SPAG16: variants seen among roughly 807,000 people sequenced by gnomAD.
SPAG16 encodes sperm-associated antigen 16 protein.
SPAG16 carries 86 observed loss-of-function variants against 80.4 expected under a neutral mutation model. That is an observed-to-expected ratio of 1.07 (90% CI 0.90 to 1.28). SPAG16 has a LOEUF of 1.28. Ranked by LOEUF, SPAG16 falls within the 50% of genes most tolerant of loss-of-function variation. The pLI is 0.00. For synonymous variants in SPAG16, 294 were observed against 265.9 expected (o/e 1.11, Z -1.03); for missense variants, 870 against 765.3 (o/e 1.14, Z -1.61).
At chr2:213,953,608 A>T (rs1290798974) in intron 12 of SPAG16, among the ~76,000 whole-genome samples, 1 of 151,942 alleles carries the variant, frequency 6.6e-6, no homozygotes, top group African/African-American at 2.4e-5. Context: ...AATTTAAGGA[A>T]AAATTAAAAA....
intron 13 of SPAG16, among the ~76,000 whole-genome samples, chr2:214,018,480 GT>G (rs1207654112): frequency 3.3e-5 from 5 of 152,038 alleles, no homozygotes; most frequent in Non-Finnish European, 5.9e-5. Flanking sequence ...ATTAGCTAAA[GT>G]TTTTTTCTAT....
intron 9 of SPAG16, among the ~76,000 whole-genome samples, chr2:213,415,803 CACTGGAGTT>C (rs1298836025): frequency 6.6e-6 from 1 of 152,122 alleles, no homozygotes; most frequent in Admixed American, 6.5e-5. Context: ...GTACACAGAA[CACTGGAGTT>C]TAGGAGAAAC....
intron 15 of SPAG16, among the ~76,000 whole-genome samples, chr2:214,384,488 C>T (rs145929291): frequency 2.0e-5 from 3 of 152,258 alleles, no homozygotes; most frequent in Non-Finnish European, 4.4e-5. Context: ...CAGAGTAGTG[C>T]CATATTTCAT....
At chr2:213,672,268 C>CT (rs2063839440) in intron 10 of SPAG16, among the ~76,000 whole-genome samples, 1 of 151,734 alleles carries the variant, frequency 6.6e-6, no homozygotes, top group Non-Finnish European at 1.5e-5. Flanking sequence ...CTTTTCCTCA[C>CT]TCAGTCCCTA....
rs199763285 is a variant in SPAG16 at position 213,543,269 on chromosome 2, C to G, written c.1070+53179C>G. On this transcript the variant is annotated intron_variant, in intron 10 of 15. Coordinates refer to ENST00000331683, the MANE Select transcript of SPAG16 (RefSeq NM_024532.5). ...ATGAATGGTCATTTCATATCTTTTGCCTATTTCTCTATTAGACTCTCAGTA... is the reference window on the plus strand; with the variant it reads ...ATGAATGGTCATTTCATATCTTTTGGCTATTTCTCTATTAGACTCTCAGTA... 7.9e-5 allele frequency among the ~76,000 whole-genome samples: 12 copies of G among 151,862 alleles called. No homozygotes were observed. The East Asian group carries it at 2.3e-3, about 29-fold the overall frequency.
intron 15 of SPAG16, among the ~76,000 whole-genome samples, chr2:214,254,131 A>G (rs1690506778): frequency 2.2e-5 from 1 of 44,466 alleles, no homozygotes; most frequent in Non-Finnish European, 4.9e-5. Context: ...TTGCACATTA[A>G]TTTTGTATCA....
At chr2:214,051,144 C>T (rs1218695757) in intron 13 of SPAG16, among the ~76,000 whole-genome samples, 1 of 152,182 alleles carries the variant, frequency 6.6e-6, no homozygotes, top group Non-Finnish European at 1.5e-5. Context: ...TATTACCTCT[C>T]CTGTGGCCTA....
intron 14 of SPAG16, among the ~76,000 whole-genome samples, chr2:214,134,617 C>T (rs774341838): frequency 1.3e-5 from 2 of 152,032 alleles, no homozygotes; most frequent in East Asian, 1.9e-4. Flanking sequence ...CAAATTTGCC[C>T]GAATTCAGTC....
chr2:213,752,981 A>C (rs2068149377), intron 10 of SPAG16, among the ~76,000 whole-genome samples: 1 of 152,176 alleles, frequency 6.6e-6, no homozygotes, highest in Non-Finnish European at 1.5e-5. Flanking sequence ...TCATTAGTCA[A>C]TTCTATGCTA....
At chr2:214,309,203 C>T (rs1359573366) in intron 15 of SPAG16, among the ~76,000 whole-genome samples, 1 of 151,944 alleles carries the variant, frequency 6.6e-6, no homozygotes, top group Non-Finnish European at 1.5e-5. Flanking sequence ...TTTGTAATTG[C>T]ATTATGAAAT....
intron 10 of SPAG16, among the ~76,000 whole-genome samples, chr2:213,822,312 T>C (rs1030301211): frequency 2.6e-5 from 4 of 152,198 alleles, no homozygotes; most frequent in Non-Finnish European, 5.9e-5. Context: ...TATGCCAGTT[T>C]GCCATTTGTA....
intron 12 of SPAG16, among the ~76,000 whole-genome samples, chr2:213,936,334 C>A (rs903654078): frequency 4.6e-5 from 7 of 152,054 alleles, no homozygotes; most frequent in African/African-American, 1.2e-4. Context: ...ATTACTTTGA[C>A]CTTTATTCTC....
chr2:214,048,526 T>C (rs1431239885), intron 13 of SPAG16, among the ~76,000 whole-genome samples: 3 of 148,998 alleles, frequency 2.0e-5, no homozygotes, highest in Non-Finnish European at 4.4e-5. Context: ...CCTATGGAGA[T>C]AGAGAGTAGG....
chr2:214,120,290 C>A (rs139345270), intron 14 of SPAG16, among the ~76,000 whole-genome samples: 112 of 151,772 alleles, frequency 7.4e-4, no homozygotes, highest in Middle Eastern at 3.4e-3. Flanking sequence ...TAGCTGAATC[C>A]TGTTTAATTT....
At chr2:213,303,905 A>T (rs2062842293) in intron 3 of SPAG16, among the ~76,000 whole-genome samples, 1 of 152,232 alleles carries the variant, frequency 6.6e-6, no homozygotes, top group African/African-American at 2.4e-5. Context: ...TGGTAGTAGG[A>T]TTGCTGAATC....
chr2:213,557,817 A>G (rs896314242), intron 10 of SPAG16, among the ~76,000 whole-genome samples: 1 of 152,170 alleles, frequency 6.6e-6, no homozygotes, highest in African/African-American at 2.4e-5. Flanking sequence ...TGACTTGTTT[A>G]ATCCTATCAA....
At chr2:214,066,407 T>G (rs1391167486) in intron 13 of SPAG16, among the ~76,000 whole-genome samples, 2 of 152,182 alleles carry the variant, frequency 1.3e-5, no homozygotes, top group Non-Finnish European at 2.9e-5. Flanking sequence ...ATCTGTTTCA[T>G]GATGTTTTTC....
chr2:214,067,743 T>A (rs2125210688), intron 13 of SPAG16, among the ~76,000 whole-genome samples: 1 of 152,264 alleles, frequency 6.6e-6, no homozygotes, highest in East Asian at 1.9e-4. Flanking sequence ...GCCAGGATTT[T>A]GTTGAAATAT....
At chr2:213,308,760 G>A (rs1420433060) in intron 3 of SPAG16, among the ~76,000 whole-genome samples, 6 of 152,106 alleles carry the variant, frequency 3.9e-5, no homozygotes, top group South Asian at 2.1e-4. Context: ...GTGGTATTCC[G>A]TGTTTTGTAA....
Sources: gnomAD v4.1 joint callset for allele counts (sites outside exome capture counted in the v4.1 genomes callset) on GRCh38, gnomAD v4.1.1 for gene constraint, MANE v1.5 for transcripts, NCBI Gene and HGNC (gene_info 2026-07-23, HGNC 2026-07-21) for gene names.